Variants in ADGB observed in about 807,000 individuals in gnomAD.
ADGB encodes androglobin.
A neutral mutation model predicts 210.5 loss-of-function variants in ADGB; 172 were observed. The ratio of observed to expected loss-of-function variants is 0.82; its 90% CI spans 0.72 to 0.93. The LOEUF (loss-of-function observed/expected upper bound fraction) is 0.93. Ranked by LOEUF, ADGB falls within the 40% of genes least tolerant of loss-of-function variation. The pLI, the probability that ADGB is intolerant of heterozygous loss-of-function variation, is 0.00. For missense variants in ADGB, 2,025 were observed against 1,964.8 expected, an observed-to-expected ratio of 1.03 and a Z score of -0.58; for synonymous variants, 658 against 662.7, an observed-to-expected ratio of 0.99 and a Z score of 0.11.
chr6:146,626,886 C>G (rs1780980384), intron 1 of ADGB, among the ~76,000 whole-genome samples: 1 of 151,774 alleles, frequency 6.6e-6, no homozygotes, highest in South Asian at 2.1e-4. Context: ...ACAACAATTA[C>G]ATTTATATTT....
chr6:146,666,785 T>A (rs1374073868), intron 6 of ADGB, 31 bp from the exon 7 acceptor site: 1 of 1,464,792 alleles, frequency 6.8e-7, no homozygotes, highest in Admixed American at 2.1e-5. Context: ...CAAATTTTGC[T>A]ACCTGTAACA....
At chr6:146,698,277 T>C (rs78272888) in intron 12 of ADGB, among the ~76,000 whole-genome samples, 2,987 of 152,352 alleles carry the variant, frequency 0.02, 92 homozygotes, top group African/African-American at 0.068. Flanking sequence ...TTAAAATCAT[T>C]GAATGGTCTG....
At chr6:146,793,326 C>T (rs1481761444) in intron 33 of ADGB, among the ~76,000 whole-genome samples, 2 of 152,198 alleles carry the variant, frequency 1.3e-5, no homozygotes, top group Non-Finnish European at 2.9e-5. Context: ...CAAGTCCCCA[C>T]TTGACCCAGG....
chr6:146,689,478 A>T (rs1428269718), intron 10 of ADGB, among the ~76,000 whole-genome samples: 2 of 152,176 alleles, frequency 1.3e-5, no homozygotes, highest in Non-Finnish European at 2.9e-5. Context: ...AGGTGCTAAT[A>T]CTGGAATTTG....
intron 9 of ADGB, among the ~76,000 whole-genome samples, chr6:146,682,574 A>T (rs1240505079): frequency 6.6e-6 from 1 of 152,158 alleles, no homozygotes; most frequent in East Asian, 1.9e-4. Flanking sequence ...TTACTCCAAC[A>T]ACTGGAAAGA....
At chr6:146,643,656 T>A in intron 2 of ADGB, among the ~76,000 whole-genome samples, 1 of 151,830 alleles carries the variant, frequency 6.6e-6, no homozygotes, top group Non-Finnish European at 1.5e-5. Flanking sequence ...ATTAGTGAAT[T>A]AATTGCATTC....
chr6:146,725,845 GT>G, intron 18 of ADGB: 1 of 364,154 alleles, frequency 2.7e-6, no homozygotes, highest in Non-Finnish European at 5.1e-6. Flanking sequence ...CTGCAGAGAA[GT>G]TTGGTATTTA....
chr6:146,601,501 G>T (rs1309504473), intron 1 of ADGB, among the ~76,000 whole-genome samples: 1 of 152,176 alleles, frequency 6.6e-6, no homozygotes, highest in East Asian at 1.9e-4. Flanking sequence ...CTAACCCATA[G>T]ATGTAGGACA....
intron 10 of ADGB, among the ~76,000 whole-genome samples, chr6:146,689,772 A>G (rs1455448561): frequency 1.3e-5 from 2 of 152,120 alleles, no homozygotes; most frequent in African/African-American, 2.4e-5. Context: ...TTCCATTGAA[A>G]GAATTAGTTT....
chr6:146,741,011 T>G, intron 24 of ADGB, 107 bp from the exon 25 acceptor site: 2 of 819,002 alleles, frequency 2.4e-6, no homozygotes, highest in Non-Finnish European at 3.5e-6. Context: ...TGCCTTTTAG[T>G]TATTTGGAAC....
Position 146,656,877 on chromosome 6 carries a change from C to T in ADGB, c.509C>T (p.Pro170Leu), listed in dbSNP as rs779211882. Residue 170 changes from proline (P) to leucine (L), a missense_variant, in exon 5 of 36, where the codon CCC becomes CTC. Physicochemically the swap from Pro to Leu is moderately conservative, Grantham distance 98. Coordinates refer to ENST00000397944, the MANE Select transcript of ADGB (RefSeq NM_024694.4). ...ACTTCAGGGGAACCTCCTCTTCTCC[C>T]CTGGAAGCCCTGGGAACACATATAC... is the stretch of plus-strand genomic sequence containing the variant. ...KGTSGEPPLL[P>L]WKPWEHIYSL... The T allele has an allele frequency of 3.5e-5, 54 of 1,551,328 alleles. No homozygotes were observed. The highest frequency in any genetic ancestry group is 4.3e-5 in the Non-Finnish European group (49 of 1,146,756).
intron 35 of ADGB, chr6:146,803,840 C>T (rs996841717): frequency 6.0e-6 from 2 of 334,568 alleles, no homozygotes; most frequent in Non-Finnish European, 1.1e-5. Flanking sequence ...CATTCAAACG[C>T]GGCCGCGCGC....
chr6:146,691,057 G>C (rs1583591600), intron 10 of ADGB, 59 bp from the exon 11 acceptor site: 1 of 1,401,594 alleles, frequency 7.1e-7, no homozygotes, highest in African/African-American at 1.5e-5. Flanking sequence ...TTTTTACATT[G>C]GAAAAAGCAT....
intron 16 of ADGB, among the ~76,000 whole-genome samples, chr6:146,720,008 A>G (rs193206093): frequency 1.2e-4 from 18 of 152,342 alleles, no homozygotes; most frequent in Non-Finnish European, 2.9e-5. Flanking sequence ...TTAAATAACA[A>G]GGCTTCCCTT....
chr6:146,753,000 T>A (rs1444350719), intron 27 of ADGB, among the ~76,000 whole-genome samples: 6 of 145,362 alleles, frequency 4.1e-5, no homozygotes, highest in African/African-American at 1.5e-4. Context: ...ATATTTTTAC[T>A]TTTTTAAATT....
At chr6:146,685,688 G>T in intron 9 of ADGB, 46 bp from the exon 10 acceptor site, 2 of 1,253,684 alleles carry the variant, frequency 1.6e-6, no homozygotes, top group South Asian at 1.6e-5. Context: ...CTGACAGACC[G>T]ATTTTGACTA....
Position 146,627,631 on chromosome 6 carries a change from T to C in ADGB, c.75-7744T>C, listed in dbSNP as rs1269607398. Among the ~76,000 whole-genome samples the C allele has an allele frequency of 2.0e-5, 3 of 152,070 alleles. No individual in the cohort carries two copies. The East Asian group carries it at 5.8e-4, about 29-fold the overall frequency. On this transcript the variant is annotated intron_variant, in intron 1 of 35. Transcript: ENST00000397944. ...TCTGGTTCAGCGTGAGTCCTCAGAT[T>C]CTCTCAGGTACTTTTTTTCCCCGGC... is the stretch of plus-strand genomic sequence containing the variant.
In ADGB at chr6:146,724,271, T is replaced by C; in HGVS notation, c.2181T>C (p.Leu727=). Residue 727 remains leucine, a synonymous_variant, in exon 18 of 36, where the codon CTT becomes CTC. Transcript: ENST00000397944. ...FSWKSLKPGS[L]VLKIHTYATK... ...GGAAATCCCTGAAACCAGGCAGTCT[T>C]GTTCTGAAGATTCACACATATGCTA... The C allele has an allele frequency of 6.4e-7, 1 of 1,551,110 alleles. No individual in the cohort carries two copies. The highest frequency in any genetic ancestry group is 8.7e-7 in the Non-Finnish European group (1 of 1,146,722).
chr6:146,779,732 G>A (rs953060350), intron 29 of ADGB, among the ~76,000 whole-genome samples: 1 of 150,854 alleles, frequency 6.6e-6, no homozygotes, highest in African/African-American at 2.4e-5. Flanking sequence ...AAAAATAAAG[G>A]AGAAATTAAG....
Sources: gnomAD v4.1 joint callset for allele counts (sites outside exome capture counted in the v4.1 genomes callset) on GRCh38, gnomAD v4.1.1 for gene constraint, MANE v1.5 for transcripts, NCBI Gene and HGNC (gene_info 2026-07-23, HGNC 2026-07-21) for gene names.